The following TLE3 variants were observed in gnomAD, a reference collection of about 807,000 sequenced individuals.
TLE3 encodes the protein TLE family member 3, transcriptional corepressor.
Under a neutral mutation model 93.0 loss-of-function variants are expected in TLE3, and 14 were observed. The ratio of observed to expected loss-of-function variants is 0.15; its 90% confidence interval spans 0.10 to 0.24. The LOEUF (loss-of-function observed/expected upper bound fraction) is 0.24. TLE3 is among the 10% of genes least tolerant of loss of function. The pLI is 1.00. For synonymous variants in TLE3, 451 were observed against 425.0 expected (o/e 1.06, Z -0.75); for missense variants, 693 against 1,046.6 (o/e 0.66, Z 4.66).
At chr15:70,063,329 G>A (rs562123163) in intron 8 of TLE3, among the ~76,000 whole-genome samples, 1 of 152,348 alleles carries the variant, frequency 6.6e-6, no homozygotes, top group Non-Finnish European at 1.5e-5. Context: ...CAGTACCGAG[G>A]CAGTGAACAT....
Position 70,097,118 on chromosome 15 carries a change from G to A in TLE3, c.-320C>T, listed in dbSNP as rs2058604109. On this transcript the variant is annotated 5_prime_UTR_variant, in exon 1 of 20. Coordinates refer to ENST00000451782, the MANE Select transcript of TLE3 (RefSeq NM_001105192.3). ...GCTGCGTCGAGCGCGTCAATGCCTG[G>A]GACTGCGCGGACATCGTCGGCTCCC... 1 of 440,196 alleles carries A rather than the reference G, an allele frequency of 2.3e-6. No individual in the cohort carries two copies. The highest frequency in any genetic ancestry group is 3.9e-6 in the Non-Finnish European group (1 of 254,746). 27.3% of individuals were successfully genotyped at this position (440,196 alleles called of 1,614,324 possible).
chr15:70,048,302 T>C lies in TLE3; in HGVS notation c.*1795A>G, dbSNP rs2055238590. ...GAATAACTTTCTTCTACCCTCACCC[T>C]CCCTTCTGGCTAGAGCCTTAACAAG... On this transcript the variant is annotated 3_prime_UTR_variant, in exon 20 of 20. Coordinates refer to ENST00000451782, the MANE Select transcript of TLE3 (RefSeq NM_001105192.3). 1.3e-5 allele frequency: 2 copies of C among 152,182 alleles called. No homozygotes were observed. Among genetic ancestry groups the C allele is most frequent in the African/African-American group, 2.4e-5 (1 of 41,444 alleles). 9.4% of individuals were successfully genotyped at this position (152,182 alleles called of 1,614,324 possible).
chr15:70,076,017 G>A lies in TLE3; in HGVS notation c.297+79C>T, dbSNP rs1270414967. ...GGCTGAGGCTGGGGCTGGGGCTGGG[G>A]CTCAGGCTCCAGTGAGACCCCACCA... On this transcript the variant is annotated intron_variant, in intron 5 of 19. Coordinates refer to ENST00000451782, the MANE Select transcript of TLE3 (RefSeq NM_001105192.3). The A allele has an allele frequency of 2.9e-6, 4 of 1,356,932 alleles. No homozygotes were observed. The Admixed American group carries it at 6.8e-5, about 23-fold the overall frequency. 84.1% of individuals were successfully genotyped at this position (1,356,932 alleles called of 1,614,324 possible).
At chr15:70,050,428 A>G in intron 19 of TLE3, 1 of 466,656 alleles carries the variant, frequency 2.1e-6, no homozygotes, top group Non-Finnish European at 3.9e-6. Context: ...CTCCCCTCCC[A>G]CCTGCTTTTC....
intron 6 of TLE3, among the ~76,000 whole-genome samples, chr15:70,074,089 A>G (rs2057319657): frequency 6.6e-6 from 1 of 152,256 alleles, no homozygotes; most frequent in Non-Finnish European, 1.5e-5. Context: ...GATGCACATC[A>G]ACAGTACAGC....
intron 4 of TLE3, among the ~76,000 whole-genome samples, chr15:70,091,083 G>C (rs2058286087): frequency 6.6e-6 from 1 of 152,212 alleles, no homozygotes; most frequent in African/African-American, 2.4e-5. Flanking sequence ...GAGTACATAA[G>C]CTTCCCTTCT....
At position 70,058,434 on chromosome 15, in the gene TLE3, C is replaced by A; in HGVS notation, c.919-143G>T. On this transcript the variant is annotated intron_variant, in intron 11 of 19. Coordinates refer to ENST00000451782, the MANE Select transcript of TLE3 (RefSeq NM_001105192.3). This position sits in a 1 kb window ranked among gnomAD's most constrained non-coding sequence, Gnocchi z 4.1. ...GCCGAACAGCCTCTCAATCCTTGCC[C>A]AACCTTGTTTGGCAGGGACTGGGGT... The A allele has an allele frequency of 1.4e-6, 2 of 1,410,046 alleles. No homozygotes were observed. The highest frequency in any genetic ancestry group is 9.6e-7 in the Non-Finnish European group (1 of 1,041,540). The allele number at this position is 1,410,046 out of a possible 1,614,324, so 87.3% of individuals were successfully genotyped here.
rs1283746377 is a variant in TLE3, at chr15:70,058,776, G to A, written c.805C>T (p.Pro269Ser). ...CGGGCCTTGTCCAGCCCATTTTCAG[G>A]AGGGGAGTGTGCCGGGCTGACCCGG... ...TPRVSPAHSP[P>S]ENGLDKARSL... is the part of the protein sequence containing the mutation. Residue 269 changes from proline (P) to serine (S), a missense_variant, in exon 11 of 20, where the codon CCT (proline) becomes TCT (serine). By Grantham distance (74) the Pro-to-Ser change is moderately conservative. Around this residue, in one of 4 missense-constraint regions of TLE3, gnomAD observed 405 missense variants for 468.9 expected, o/e 0.86. Transcript: ENST00000451782. The surrounding 1 kb of genome is among the most constrained non-coding windows in gnomAD (Gnocchi z 4.1). The A allele has an allele frequency of 1.4e-5, 22 of 1,609,172 alleles. No individual in the cohort carries two copies. Among genetic ancestry groups the A allele is most frequent in the Non-Finnish European group, 1.7e-5 (20 of 1,177,892 alleles).
chr15:70,080,252 C>G (rs1000982866), intron 4 of TLE3, among the ~76,000 whole-genome samples: 12 of 152,160 alleles, frequency 7.9e-5, no homozygotes, highest in African/African-American at 2.9e-4. Context: ...AAAGCCACTG[C>G]TTTTGAGCCA....
At chr15:70,053,398 G>A (rs1291078992) in intron 16 of TLE3, 24 bp from the exon 17 acceptor site, 3 of 1,587,354 alleles carry the variant, frequency 1.9e-6, no homozygotes, top group Non-Finnish European at 8.6e-7. Context: ...GCAGGGAGGA[G>A]GGTGAGTCCC....
At chr15:70,056,426 C>G in intron 13 of TLE3, 52 bp from the exon 14 acceptor site, 6 of 1,551,170 alleles carry the variant, frequency 3.9e-6, no homozygotes, top group Middle Eastern at 1.9e-4. Flanking sequence ...CACACACCCC[C>G]ACCCCTGCCT....
chr15:70,097,669 C>A lies in TLE3; in HGVS notation c.-871G>T, dbSNP rs1297393895. ...GCGTCGGAGCGCACAGGCAGGAGAG[C>A]GCTGGAGGGGAGACGCAGCCCGAGA... On this transcript the variant is annotated 5_prime_UTR_variant, in exon 1 of 20. Transcript: ENST00000451782. The A allele has an allele frequency of 2.5e-6, 1 of 397,616 alleles. No homozygotes were observed. The highest frequency in any genetic ancestry group is 4.4e-6 in the Non-Finnish European group (1 of 225,290). 24.6% of individuals were successfully genotyped at this position (397,616 alleles called of 1,614,324 possible). A position where few individuals can be genotyped will look rare whatever the true frequency, so the allele number is the denominator to read the frequency against.
intron 4 of TLE3, among the ~76,000 whole-genome samples, chr15:70,090,669 T>C (rs1284306578): frequency 2.0e-5 from 3 of 152,196 alleles, no homozygotes; most frequent in Non-Finnish European, 2.9e-5. Context: ...CCTGTGTTTA[T>C]GGCACCCCAT....
chr15:70,088,878 G>GCCCCCGCCCCCA (rs1596009979), intron 4 of TLE3, among the ~76,000 whole-genome samples: 1 of 143,832 alleles, frequency 7.0e-6, no homozygotes, highest in East Asian at 2.3e-4. Context: ...GCGGGCCCCC[G>GCCCCCGCCCCCA]CCCCCGCCCC....
intron 4 of TLE3, among the ~76,000 whole-genome samples, chr15:70,078,174 T>C (rs2057544159): frequency 6.6e-6 from 1 of 152,184 alleles, no homozygotes; most frequent in African/African-American, 2.4e-5. Flanking sequence ...GGAAGAGCTC[T>C]CCCAAACAGG....
chr15:70,073,347 T>C (rs1321429726), intron 6 of TLE3, among the ~76,000 whole-genome samples: 2 of 152,190 alleles, frequency 1.3e-5, no homozygotes, highest in Admixed American at 6.5e-5. Flanking sequence ...TCCAGGTCTC[T>C]GCCCCAGGCG....
Position 70,076,916 on chromosome 15 carries a change from C to A in TLE3, c.235-758G>T, listed in dbSNP as rs568312100. Among the ~76,000 whole-genome samples the A allele has an allele frequency of 3.3e-5, 5 of 152,240 alleles. No individual in the cohort carries two copies. In the East Asian group the frequency reaches 9.7e-4, roughly 29 times the overall value. On this transcript the variant is annotated intron_variant, in intron 4 of 19. Transcript: ENST00000451782. ...GTATTTTTGTAGAGACTGGGTTTCG[C>A]CACGTTGTCCAGGCTGGTTTCAAAC... is the stretch of plus-strand genomic sequence containing the variant.
intron 4 of TLE3, among the ~76,000 whole-genome samples, chr15:70,094,169 C>A (rs1485728287): frequency 1.3e-5 from 2 of 151,782 alleles, no homozygotes; most frequent in Non-Finnish European, 2.9e-5. Context: ...AAAAAATCCT[C>A]CTGCATTTCC....
At chr15:70,060,709 T>C in intron 8 of TLE3, 60 bp from the exon 9 acceptor site, 1 of 1,597,302 alleles carries the variant, frequency 6.3e-7, no homozygotes, top group Non-Finnish European at 8.5e-7. Flanking sequence ...AATTCACACA[T>C]CCGCACACAG....
Sources: gnomAD v4.1 joint callset for allele counts (sites outside exome capture counted in the v4.1 genomes callset) on GRCh38, gnomAD v4.1.1 for gene constraint, gnomAD v4.1.1 regional missense constraint, Gnocchi (gnomAD v3.1) non-coding constraint, MANE v1.5 for transcripts, NCBI Gene and HGNC (gene_info 2026-07-23, HGNC 2026-07-21) for gene names.